The following NT5DC4 variants were observed in gnomAD, a reference collection of about 807,000 sequenced individuals.
NT5DC4 encodes the protein 5'-nucleotidase domain containing 4.
In NT5DC4, 44 loss-of-function variants were observed where a neutral mutation model predicts 26.6. The ratio of observed to expected loss-of-function variants is 1.65; its 90% CI spans 1.30 to 2.13. The LOEUF is 2.13. NT5DC4 is among the 30% of genes most tolerant of loss of function. The pLI is 0.00. For synonymous variants in NT5DC4, 157 were observed against 86.7 expected (o/e 1.81, Z -4.51); for missense variants, 399 against 228.1 (o/e 1.75, Z -4.83).
upstream of NT5DC4, among the ~76,000 whole-genome samples, chr2:112,719,779 A>C (rs547388118): frequency 2.7e-5 from 4 of 147,766 alleles, no homozygotes; most frequent in South Asian, 2.2e-4. Context: ...CCACTGCGCC[A>C]GGCCCTTTTC....
downstream of NT5DC4, chr2:112,740,943 C>A (rs771414042): frequency 3.1e-6 from 5 of 1,614,010 alleles, no homozygotes; most frequent in South Asian, 5.5e-5. Context: ...CAGATTCCAT[C>A]TTCTTGGCCA....
chr2:112,733,526 C>CAT (rs1438135528), intron 16 of NT5DC4, among the ~76,000 whole-genome samples: 4 of 152,200 alleles, frequency 2.6e-5, no homozygotes, highest in Non-Finnish European at 5.9e-5. Flanking sequence ...TCAGGAGGGG[C>CAT]ATACCTTCCC....
intron 16 of NT5DC4, among the ~76,000 whole-genome samples, chr2:112,735,870 C>A (rs1679093486): frequency 1.3e-5 from 2 of 152,058 alleles, no homozygotes; most frequent in Non-Finnish European, 2.9e-5. Context: ...TATTAGACAC[C>A]AATAGTTCAA....
intron 15 of NT5DC4, 183 bp downstream of exon 15, chr2:112,726,921 G>C (rs1558733936): frequency 1.6e-6 from 1 of 633,336 alleles, no homozygotes; most frequent in African/African-American, 1.8e-5. Context: ...ACATTCCAAA[G>C]GGCAGCGGTA....
chr2:112,740,423 A>T (rs1280408484), downstream of NT5DC4, among the ~76,000 whole-genome samples: 1 of 152,232 alleles, frequency 6.6e-6, no homozygotes, highest in Non-Finnish European at 1.5e-5. Flanking sequence ...TTGTTAAAAA[A>T]TAAAACGTTT....
At chr2:112,720,038 T>TTCC (rs1676752089), upstream of NT5DC4, among the ~76,000 whole-genome samples, 3 of 125,104 alleles carry the variant, frequency 2.4e-5, no homozygotes, top group African/African-American at 1.1e-4. Context: ...TCCTTCCTTC[T>TTCC]TTCTTCCTTT....
At chr2:112,720,668 G>A (rs979589373), upstream of NT5DC4, among the ~76,000 whole-genome samples, 2 of 152,190 alleles carry the variant, frequency 1.3e-5, no homozygotes, top group African/African-American at 4.8e-5. Flanking sequence ...AACCAAATGT[G>A]TCAGAATTGT....
In NT5DC4 at chr2:112,739,032, C is replaced by A; in HGVS notation, c.*96C>A. 1 of 1,613,892 alleles carries A rather than the reference C, an allele frequency of 6.2e-7. No homozygotes were observed. The highest frequency in any genetic ancestry group is 8.5e-7 in the Non-Finnish European group (1 of 1,179,854). On this transcript the variant is annotated 3_prime_UTR_variant, in exon 17 of 17. Transcript: ENST00000688554. ...GTGATAAATTTCATGTCTTGCACTT[C>A]CGGCATCCCATTTATTCTGAGAGAC...
Position 112,733,237 on chromosome 2 carries a change from C to A in NT5DC4, c.1344+3533C>A, listed in dbSNP as rs899100171. Among the ~76,000 whole-genome samples the A allele has an allele frequency of 4.1e-5, 5 of 121,314 alleles. No homozygotes were observed. In the Admixed American group the frequency reaches 4.8e-4, roughly 12 times the overall value. The allele number at this position is 121,314 out of a possible 152,430, so 79.6% of individuals were successfully genotyped here. A position where few individuals can be genotyped will look rare whatever the true frequency, so the allele number is the denominator to read the frequency against. ...TCATGGGTAGGAGGTAGGACAGATACTTCTATTTGGGTAGTTTTTTTTTTT... is the reference window on the plus strand; with the variant it reads ...TCATGGGTAGGAGGTAGGACAGATAATTCTATTTGGGTAGTTTTTTTTTTT... On this transcript the variant is annotated intron_variant, in intron 16 of 16. Coordinates refer to ENST00000688554, the MANE Select transcript of NT5DC4 (RefSeq NM_001393655.1).
In NT5DC4 at chr2:112,723,412, C is replaced by T; in HGVS notation, c.622-6C>T. On this transcript the variant is annotated splice_polypyrimidine_tract_variant and splice_region_variant and intron_variant, in intron 7 of 16. Coordinates refer to ENST00000688554, the MANE Select transcript of NT5DC4 (RefSeq NM_001393655.1). ...ACACACACAGGCACTTTGCTCCCTCCTGCAGGGCTGTCTCAAGAAGACCCT... is the reference window on the plus strand; with the variant it reads ...ACACACACAGGCACTTTGCTCCCTCTTGCAGGGCTGTCTCAAGAAGACCCT... The T allele has an allele frequency of 1.4e-6, 1 of 712,572 alleles. No individual in the cohort carries two copies. The highest frequency in any genetic ancestry group is 2.6e-6 in the Non-Finnish European group (1 of 383,746). 44.1% of individuals were successfully genotyped at this position (712,572 alleles called of 1,614,324 possible).
intron 15 of NT5DC4, among the ~76,000 whole-genome samples, chr2:112,727,478 C>T (rs1677896167): frequency 1.3e-5 from 2 of 152,106 alleles, no homozygotes; most frequent in African/African-American, 4.8e-5. Flanking sequence ...GGGGTGTCGC[C>T]TTGCCAAGTC....
intron 16 of NT5DC4, among the ~76,000 whole-genome samples, chr2:112,733,201 T>C (rs886249129): frequency 6.6e-6 from 1 of 151,952 alleles, no homozygotes; most frequent in Admixed American, 6.6e-5. Flanking sequence ...TAATTCTGTA[T>C]CTGTCCTACC....
At position 112,722,021 on chromosome 2, in the gene NT5DC4, G is replaced by A. The variant is rs747796860; in HGVS notation, c.184G>A (p.Glu62Lys). 5 of 717,094 alleles carry A rather than the reference G, an allele frequency of 7.0e-6. No individual in the cohort carries two copies. The East Asian group carries it at 1.1e-4, about 15-fold the overall frequency. The allele number at this position is 717,094 out of a possible 1,614,324, so 44.4% of individuals were successfully genotyped here. Residue 62 changes from glutamate (E) to lysine (K), a missense_variant, in exon 3 of 17, where the codon GAG becomes AAG. By Grantham distance (56) the Glu-to-Lys change is moderately conservative. Coordinates refer to ENST00000688554, the MANE Select transcript of NT5DC4 (RefSeq NM_001393655.1). ...KSPAYEALTF[E>K]LLLERLVCIG... ...CCCAGCTTATGAGGCCCTGACCTTC[G>A]AGCTGCTGCTGGAGCGCCTGGTGTG...
intron 7 of NT5DC4, 52 bp from the exon 8 acceptor site, chr2:112,723,366 C>CACACACACACAA: frequency 1.4e-6 from 1 of 696,102 alleles, no homozygotes; most frequent in Admixed American, 2.1e-5. Flanking sequence ...CACATGCACA[C>CACACACACACAA]ACACACACAC....
chr2:112,737,241 A>G (rs977742459), intron 16 of NT5DC4: 9 of 152,148 alleles, frequency 5.9e-5, no homozygotes, highest in African/African-American at 1.9e-4. Flanking sequence ...TTCTTTGGGT[A>G]CATACTTACT....
chr2:112,733,483 C>T (rs1678718693), intron 16 of NT5DC4, among the ~76,000 whole-genome samples: 1 of 152,182 alleles, frequency 6.6e-6, no homozygotes, highest in African/African-American at 2.4e-5. Context: ...AAATTCTGGA[C>T]AGAAGTAATG....
intron 9 of NT5DC4, 57 bp from the exon 10 acceptor site, chr2:112,724,037 G>A (rs533384796): frequency 8.8e-5 from 63 of 716,386 alleles, no homozygotes; most frequent in Non-Finnish European, 1.5e-4. Context: ...GGTGGGTGAG[G>A]GCAGAGGCAG....
intron 16 of NT5DC4, among the ~76,000 whole-genome samples, chr2:112,733,628 T>C (rs946693016): frequency 2.0e-5 from 3 of 152,196 alleles, no homozygotes; most frequent in Non-Finnish European, 4.4e-5. Context: ...CAAGGGATGG[T>C]GGAGTCACAA....
chr2:112,721,534 A>G, intron 1 of NT5DC4: 1 of 717,896 alleles, frequency 1.4e-6, no homozygotes. Context: ...GGATGCCTAT[A>G]ACATGCCTGC....
Sources: gnomAD v4.1 joint callset for allele counts (sites outside exome capture counted in the v4.1 genomes callset) on GRCh38, gnomAD v4.1.1 for gene constraint, MANE v1.5 for transcripts, NCBI Gene and HGNC (gene_info 2026-07-23, HGNC 2026-07-21) for gene names.